The following DSE variants were observed in gnomAD, a reference collection of about 807,000 sequenced individuals.
The protein encoded by DSE is dermatan-sulfate epimerase.
DSE carries 36 observed loss-of-function variants against 84.4 expected under a neutral mutation model. The ratio of observed to expected loss-of-function variants is 0.43; its 90% confidence interval spans 0.33 to 0.56. DSE has a LOEUF of 0.56. DSE is among the 20% of genes least tolerant of loss of function. The pLI, the probability that DSE is intolerant of heterozygous loss-of-function variation, is 0.06. For synonymous variants in DSE, 410 were observed against 430.1 expected (o/e 0.95, Z 0.58); for missense variants, 862 against 1,169.6 (o/e 0.74, Z 3.84).
Position 116,440,841 on chromosome 6 carries a change from G to C in DSE, c.*3496G>C, listed in dbSNP as rs1410372214. 1.3e-5 allele frequency: 2 copies of C among 152,130 alleles called. No individual in the cohort carries two copies. The highest frequency in any genetic ancestry group is 3.9e-4 in the East Asian group (2 of 5,186). The allele number at this position is 152,130 out of a possible 1,614,324, so 9.4% of individuals were successfully genotyped here. A position where few individuals can be genotyped will look rare whatever the true frequency, so the allele number is the denominator to read the frequency against. On this transcript the variant is annotated 3_prime_UTR_variant, in exon 6 of 6. Transcript: ENST00000644252. ...TCAAAGTTTGATGCTTTTTAAGCAA[G>C]TTTAGGGAACTTGAGATGACCTGAT...
At chr6:116,392,362 C>T (rs1368452982) in intron 1 of DSE, among the ~76,000 whole-genome samples, 3 of 152,138 alleles carry the variant, frequency 2.0e-5, no homozygotes, top group Non-Finnish European at 2.9e-5. Context: ...GAGGGTGCAA[C>T]GTCAGGAACA....
chr6:116,340,950 T>C (rs560164534), intron 2 of DSE, among the ~76,000 whole-genome samples: 2 of 152,340 alleles, frequency 1.3e-5, no homozygotes, highest in South Asian at 4.1e-4. Context: ...AGTAAACATA[T>C]GTGTGCACGT....
intron 2 of DSE, among the ~76,000 whole-genome samples, chr6:116,275,175 G>T (rs548513955): frequency 8.5e-4 from 129 of 152,260 alleles, no homozygotes; most frequent in African/African-American, 2.9e-3. Context: ...GCCACTGGTG[G>T]CTAAAAGTTA....
chr6:116,413,598 A>G (rs1782518066), intron 2 of DSE, among the ~76,000 whole-genome samples: 1 of 152,204 alleles, frequency 6.6e-6, no homozygotes, highest in African/African-American at 2.4e-5. Context: ...ATTATTTCCT[A>G]CTGCACCCAG....
chr6:116,303,959 C>T (rs1775189578), intron 2 of DSE, among the ~76,000 whole-genome samples: 1 of 151,804 alleles, frequency 6.6e-6, no homozygotes, highest in Non-Finnish European at 1.5e-5. Context: ...TATGGTGAAA[C>T]CCCGTCTGTA....
chr6:116,392,922 AGCT>A (rs1654645197), intron 1 of DSE, among the ~76,000 whole-genome samples: 1 of 152,186 alleles, frequency 6.6e-6, no homozygotes, highest in African/African-American at 2.4e-5. Context: ...CAGGATGATC[AGCT>A]GAGATACTGA....
chr6:116,258,890 T>C (rs1423978801), exon 2 of DSE: 3 of 1,603,910 alleles, frequency 1.9e-6, no homozygotes, highest in African/African-American at 2.7e-5. Context: ...TGCATCATCA[T>C]GGAGTTAGTA....
In DSE at chr6:116,438,217, AT is replaced by A. The variant is rs1335883654; in HGVS notation, c.*873del. ...AGTCTAAAATTTGGATATGATTCTT[AT>A]GTTTTTTTAATAGAAAACCTTCTTC... On this transcript the variant is annotated 3_prime_UTR_variant, in exon 6 of 6. Coordinates refer to ENST00000644252, the MANE Select transcript of DSE (RefSeq NM_013352.4). 1 of 152,526 alleles carries A rather than the reference AT, an allele frequency of 6.6e-6. No individual in the cohort carries two copies. Among genetic ancestry groups the A allele is most frequent in the East Asian group, 1.9e-4 (1 of 5,204 alleles). 9.4% of individuals were successfully genotyped at this position (152,526 alleles called of 1,614,324 possible).
At chr6:116,430,682 C>T (rs1461553231) in intron 3 of DSE, among the ~76,000 whole-genome samples, 2 of 152,182 alleles carry the variant, frequency 1.3e-5, no homozygotes, top group African/African-American at 4.8e-5. Flanking sequence ...GCTGGGACTA[C>T]AGGCATCTGC....
At chr6:116,324,934 G>A (rs1776534349) in intron 2 of DSE, among the ~76,000 whole-genome samples, 1 of 152,170 alleles carries the variant, frequency 6.6e-6, no homozygotes, top group Non-Finnish European at 1.5e-5. Context: ...TTTGTACTAT[G>A]AGGCACTGAT....
intron 1 of DSE, among the ~76,000 whole-genome samples, chr6:116,385,123 T>C (rs566863618): frequency 6.6e-6 from 1 of 152,252 alleles, no homozygotes; most frequent in African/African-American, 2.4e-5. Flanking sequence ...GCTCACCTCA[T>C]GTATACAGGA....
chr6:116,301,634 A>G (rs1223193271), intron 2 of DSE, among the ~76,000 whole-genome samples: 1 of 152,124 alleles, frequency 6.6e-6, no homozygotes. Flanking sequence ...CTTAGGATAA[A>G]AACCAGCATT....
At chr6:116,313,429 T>C (rs1775802592) in intron 2 of DSE, among the ~76,000 whole-genome samples, 1 of 152,246 alleles carries the variant, frequency 6.6e-6, no homozygotes. Context: ...AAACCATCAC[T>C]TGCTTTGTAA....
At chr6:116,387,745 T>C (rs1247348271) in intron 1 of DSE, among the ~76,000 whole-genome samples, 1 of 152,148 alleles carries the variant, frequency 6.6e-6, no homozygotes, top group Non-Finnish European at 1.5e-5. Context: ...ATTTTGGGGA[T>C]TAAATATGAT....
intron 1 of DSE, among the ~76,000 whole-genome samples, chr6:116,393,512 A>G (rs1259420184): frequency 6.6e-6 from 1 of 152,198 alleles, no homozygotes; most frequent in Non-Finnish European, 1.5e-5. Context: ...CTTCCTTTTT[A>G]TAAATATTAT....
chr6:116,409,481 A>G (rs528303178), intron 2 of DSE, among the ~76,000 whole-genome samples: 50 of 152,152 alleles, frequency 3.3e-4, no homozygotes, highest in Admixed American at 7.9e-4. Context: ...GGGTTTCACC[A>G]TGTTAGCCAG....
At chr6:116,353,845 G>A (rs879416294) in intron 2 of DSE, among the ~76,000 whole-genome samples, 1 of 152,082 alleles carries the variant, frequency 6.6e-6, no homozygotes, top group Admixed American at 6.6e-5. Context: ...AGCTTTAATG[G>A]CTGATGTAAA....
chr6:116,373,178 C>G (rs1384274528), intron 1 of DSE, among the ~76,000 whole-genome samples: 1 of 151,984 alleles, frequency 6.6e-6, no homozygotes, highest in African/African-American at 2.4e-5. Context: ...TATGGTGAAA[C>G]CCGGTCTCTA....
intron 2 of DSE, among the ~76,000 whole-genome samples, chr6:116,259,572 T>G (rs1772315709): frequency 6.6e-6 from 1 of 152,170 alleles, no homozygotes. Context: ...GTCACTGGGG[T>G]TTGTTGTATA....
Sources: gnomAD v4.1 joint callset for allele counts (sites outside exome capture counted in the v4.1 genomes callset) on GRCh38, gnomAD v4.1.1 for gene constraint, MANE v1.5 for transcripts, NCBI Gene and HGNC (gene_info 2026-07-23, HGNC 2026-07-21) for gene names.